The following XIRP2 variants were observed in gnomAD, a reference collection of about 807,000 sequenced individuals.
XIRP2 encodes xin actin binding repeat containing 2, also known as xin actin-binding repeat-containing protein 2.
XIRP2 carries 236 observed loss-of-function variants against 277.0 expected under a neutral mutation model. The ratio of observed to expected loss-of-function variants is 0.85; its 90% confidence interval spans 0.77 to 0.95. The LOEUF (loss-of-function observed/expected upper bound fraction) is 0.95. Ranked by LOEUF, XIRP2 falls within the 40% of genes least tolerant of loss-of-function variation. XIRP2 has a pLI of 0.00. For missense variants in XIRP2, 4,640 were observed against 4,157.5 expected, an observed-to-expected ratio of 1.12 and a Z score of -3.19; for synonymous variants, 1,490 against 1,416.5, an observed-to-expected ratio of 1.05 and a Z score of -1.17.
intron 2 of XIRP2, among the ~76,000 whole-genome samples, chr2:167,050,834 CT>C (rs1199919063): frequency 4.0e-5 from 6 of 151,152 alleles, no homozygotes; most frequent in African/African-American, 1.5e-4. Context: ...AATAATTGCC[CT>C]TGCTGCAATG....
intron 2 of XIRP2, among the ~76,000 whole-genome samples, chr2:166,955,296 G>C (rs1686133665): frequency 6.6e-6 from 1 of 151,724 alleles, no homozygotes; most frequent in Non-Finnish European, 1.5e-5. Flanking sequence ...TATGCTAAGT[G>C]AAAAAAGGGA....
chr2:167,038,430 G>A (rs1477701991), intron 2 of XIRP2, among the ~76,000 whole-genome samples: 1 of 150,896 alleles, frequency 6.6e-6, no homozygotes, highest in Non-Finnish European at 1.5e-5. Context: ...CATAAATATT[G>A]TAATATATTA....
rs779566557 is a variant in XIRP2 at position 167,258,360 on chromosome 2, A to G, written c.*543A>G. ...TTTCCATTTTTGCAGCCTTATCTAC[A>G]GTCCACCCATGTTTGTCAGAAAGAG... is the stretch of plus-strand genomic sequence containing the variant. On this transcript the variant is annotated 3_prime_UTR_variant, in exon 11 of 11. Coordinates refer to ENST00000409195, the MANE Select transcript of XIRP2 (RefSeq NM_152381.6). 4.3e-6 allele frequency: 7 copies of G among 1,613,344 alleles called. No individual in the cohort carries two copies. In the African/African-American group the frequency reaches 9.3e-5, roughly 22 times the overall value.
intron 2 of XIRP2, among the ~76,000 whole-genome samples, chr2:167,113,584 C>A (rs980320768): frequency 2.0e-5 from 3 of 152,248 alleles, no homozygotes; most frequent in South Asian, 2.1e-4. Context: ...TCTGGCCCTG[C>A]TTCTTTATCC....
chr2:167,258,711 G>A lies in XIRP2; in HGVS notation c.*894G>A. 3.1e-6 allele frequency: 5 copies of A among 1,613,060 alleles called. No homozygotes were observed. Among genetic ancestry groups the A allele is most frequent in the South Asian group, 2.2e-5 (2 of 91,046 alleles). On this transcript the variant is annotated 3_prime_UTR_variant, in exon 11 of 11. Transcript: ENST00000409195. ...GCAGTCTCATATCTGAATAATTGCA[G>A]GCAGAAGACATCTATTTTAGAATTT... is the stretch of plus-strand genomic sequence containing the variant.
intron 2 of XIRP2, among the ~76,000 whole-genome samples, chr2:166,912,522 A>T (rs1172212362): frequency 6.6e-6 from 1 of 151,938 alleles, no homozygotes; most frequent in African/African-American, 2.4e-5. Flanking sequence ...ATCTTTTTTC[A>T]AGGTTTTTAT....
intron 3 of XIRP2, among the ~76,000 whole-genome samples, chr2:167,181,243 A>G (rs1692998808): frequency 6.6e-6 from 1 of 152,156 alleles, no homozygotes; most frequent in South Asian, 2.1e-4. Context: ...GAGCCCACCT[A>G]GTTTTGGTCA....
At chr2:167,153,867 A>G (rs561955938) in intron 3 of XIRP2, among the ~76,000 whole-genome samples, 1 of 151,224 alleles carries the variant, frequency 6.6e-6, no homozygotes, top group South Asian at 2.1e-4. Flanking sequence ...CGCAATAAAC[A>G]TACATGTGCA....
intron 2 of XIRP2, among the ~76,000 whole-genome samples, chr2:167,047,600 G>A (rs928535077): frequency 2.0e-5 from 3 of 151,994 alleles, no homozygotes; most frequent in Middle Eastern, 3.4e-3. Context: ...CCTAAGTAAC[G>A]AAACTTTTTT....
Position 167,093,800 on chromosome 2 carries a change from A to C in XIRP2, c.409-42109A>C, listed in dbSNP as rs139566782. Among the ~76,000 whole-genome samples, 224 of 152,274 alleles carry C rather than the reference A, an allele frequency of 1.5e-3. 1 individual carries two copies. The Middle Eastern group carries it at 0.037, about 25-fold the overall frequency. ...ATATGTGTGCAAGTGTCTTCATAGT[A>C]GAATGATTTATAATCCTTTGGGTAT... On this transcript the variant is annotated intron_variant, in intron 2 of 10. Coordinates refer to ENST00000409195, the MANE Select transcript of XIRP2 (RefSeq NM_152381.6).
chr2:167,028,582 C>G (rs563526172), intron 2 of XIRP2, among the ~76,000 whole-genome samples: 1 of 151,844 alleles, frequency 6.6e-6, no homozygotes, highest in Non-Finnish European at 1.5e-5. Context: ...ATTTGGGAAG[C>G]CTTCCCAAGA....
At position 167,184,830 on chromosome 2, in the gene XIRP2, A is replaced by G. The variant is rs1005076770; in HGVS notation, c.563-25905A>G. Among the ~76,000 whole-genome samples the G allele has an allele frequency of 7.9e-5, 12 of 152,284 alleles. No homozygotes were observed. In the Middle Eastern group the frequency reaches 0.01, roughly 129 times the overall value. ...CTTAAGTAAGTTTCAGTCAAGTACA[A>G]TACAGGTTGTAATAGGTGGAGGTAT... is the stretch of plus-strand genomic sequence containing the variant. On this transcript the variant is annotated intron_variant, in intron 3 of 10. Coordinates refer to ENST00000409195, the MANE Select transcript of XIRP2 (RefSeq NM_152381.6).
intron 2 of XIRP2, among the ~76,000 whole-genome samples, chr2:167,130,962 C>T (rs1314097517): frequency 6.6e-6 from 1 of 152,022 alleles, no homozygotes; most frequent in African/African-American, 2.4e-5. Flanking sequence ...CAAATGGGCC[C>T]CCAGTGCTGC....
chr2:167,251,163 C>T lies in XIRP2; in HGVS notation c.9771C>T (p.Asp3257=), dbSNP rs780013108. 1.1e-5 allele frequency: 17 copies of T among 1,613,254 alleles called. No homozygotes were observed. The East Asian group carries it at 1.1e-4, about 11-fold the overall frequency. Residue 3257 remains aspartate, a synonymous_variant, in exon 9 of 11, where the codon GAC becomes GAT. Transcript: ENST00000409195. ...AASGSFRESV[D]AQEEIRKVEK... is the part of the protein sequence containing the mutation. ...GTGGTTCCTTCAGAGAATCTGTGGA[C>T]GCTCAAGAGGAAATCAGGAAAGTGG... is the stretch of plus-strand genomic sequence containing the variant.
chr2:167,234,245 G>C (rs1028763166), intron 5 of XIRP2, among the ~76,000 whole-genome samples: 1 of 151,364 alleles, frequency 6.6e-6, no homozygotes, highest in Non-Finnish European at 1.5e-5. Context: ...TAATCGTTTT[G>C]AGTCAAAGAA....
chr2:167,110,420 T>C (rs1471483042), intron 2 of XIRP2, among the ~76,000 whole-genome samples: 1 of 152,216 alleles, frequency 6.6e-6, no homozygotes, highest in African/African-American at 2.4e-5. Flanking sequence ...ATTTATTGAA[T>C]GGGGAATCCT....
chr2:167,114,695 G>A, intron 2 of XIRP2, among the ~76,000 whole-genome samples: 1 of 151,626 alleles, frequency 6.6e-6, no homozygotes, highest in African/African-American at 2.4e-5. Flanking sequence ...AACATGCGGT[G>A]TTTGGTTTTT....
At chr2:167,085,070 G>C (rs1401361812) in intron 2 of XIRP2, among the ~76,000 whole-genome samples, 5 of 127,604 alleles carry the variant, frequency 3.9e-5, no homozygotes, top group Non-Finnish European at 8.9e-5. Context: ...GCTTTCTCTT[G>C]TGGGCATTTA....
At chr2:167,041,327 A>G (rs1688656550) in intron 2 of XIRP2, among the ~76,000 whole-genome samples, 1 of 152,304 alleles carries the variant, frequency 6.6e-6, no homozygotes, top group South Asian at 2.1e-4. Flanking sequence ...ACCAGATTGA[A>G]ATGGCTGAAA....
Sources: allele counts gnomAD v4.1 joint callset (sites outside exome capture counted in the v4.1 genomes callset), GRCh38; gene constraint gnomAD v4.1.1; transcripts MANE v1.5; gene names NCBI Gene and HGNC (gene_info 2026-07-23, HGNC 2026-07-21).